EFHC1: variants seen among roughly 807,000 people sequenced by gnomAD.
The protein encoded by EFHC1 is EF-hand domain-containing protein 1.
A neutral mutation model predicts 69.9 loss-of-function variants in EFHC1; 53 were observed. The observed-to-expected ratio is 0.76, with a 90% CI of 0.61 to 0.95. The LOEUF is 0.95. Among genes scored for constraint, EFHC1 ranks in the 40% least tolerant of loss-of-function variants. The pLI is 0.00. For synonymous variants in EFHC1, 256 were observed against 278.4 expected, an observed-to-expected ratio of 0.92 and a Z score of 0.80; for missense variants, 739 against 798.7, an observed-to-expected ratio of 0.93 and a Z score of 0.90.
chr6:52,475,415 A>C (rs749776072), intron 7 of EFHC1, among the ~76,000 whole-genome samples: 12 of 152,236 alleles, frequency 7.9e-5, no homozygotes, highest in Non-Finnish European at 1.5e-4. Flanking sequence ...ACTAAATCCT[A>C]GTAGGCAATT....
In EFHC1 at chr6:52,492,882, G is replaced by A; in HGVS notation, c.*541G>A. The A allele has an allele frequency of 2.2e-6, 1 of 453,450 alleles. No individual in the cohort carries two copies. The highest frequency in any genetic ancestry group is 4.4e-6 in the Non-Finnish European group (1 of 226,592). The allele number at this position is 453,450 out of a possible 1,614,324, so 28.1% of individuals were successfully genotyped here. A position where few individuals can be genotyped will look rare whatever the true frequency, so the allele number is the denominator to read the frequency against. ...TTCTCCCACCTCAGCCTCCAAAAGT[G>A]CTGGGATTATAGGCATGAGCCACTG... is the stretch of plus-strand genomic sequence containing the variant. On this transcript the variant is annotated 3_prime_UTR_variant, in exon 11 of 11. Transcript: ENST00000371068.
intron 7 of EFHC1, among the ~76,000 whole-genome samples, chr6:52,475,370 T>A (rs530744): frequency 0.83 from 126,158 of 152,176 alleles, 52,590 homozygotes; most frequent in East Asian, 0.93. Flanking sequence ...GAGGTCAGAC[T>A]AAGACACTGG....
At chr6:52,451,120 C>T (rs1764908354) in intron 3 of EFHC1, among the ~76,000 whole-genome samples, 1 of 152,038 alleles carries the variant, frequency 6.6e-6, no homozygotes, top group African/African-American at 2.4e-5. Flanking sequence ...TTAAATGGGG[C>T]CTTTAGCCCA....
chr6:52,469,289 A>T, intron 6 of EFHC1, 44 bp from the exon 7 acceptor site: 6 of 1,612,104 alleles, frequency 3.7e-6, no homozygotes, highest in Non-Finnish European at 5.1e-6. Context: ...TAATCTTAAC[A>T]CAAGTAGTAT....
chr6:52,471,029 G>A (rs1581842035), intron 7 of EFHC1, among the ~76,000 whole-genome samples: 1 of 152,208 alleles, frequency 6.6e-6, no homozygotes, highest in Non-Finnish European at 1.5e-5. Context: ...ATGTGTGTTA[G>A]CACTTGAAGG....
At chr6:52,490,054 T>C in intron 9 of EFHC1, 86 bp from the exon 10 acceptor site, 2 of 1,259,990 alleles carry the variant, frequency 1.6e-6, no homozygotes, top group Non-Finnish European at 2.3e-6. Flanking sequence ...GCTTCCCTGA[T>C]TTCATCAAGT....
chr6:52,465,115 G>A lies in EFHC1; in HGVS notation c.1137G>A (p.Gln379=). Residue 379 remains glutamine, a splice_region_variant and synonymous_variant, in exon 6 of 11, where the codon CAG becomes CAA. Transcript: ENST00000371068. ...AGCGGGAACCACCTCCAGTAAAACA[G>A]GTAATCAGATAGTACTTCTTAGTGT... is the stretch of plus-strand genomic sequence containing the variant. ...VSKREPPPVK[Q]ELPPYNGFGL... 6.2e-7 allele frequency: 1 copy of A among 1,613,032 alleles called. No homozygotes were observed. Among genetic ancestry groups the A allele is most frequent in the East Asian group, 2.2e-5 (1 of 44,870 alleles).
chr6:52,490,388 C>T lies in EFHC1; in HGVS notation c.1851+38C>T, dbSNP rs778853232. ...TACTCTTCTGAGTTCATTGCAGAGG[C>T]TAGGCACTGATCATTCTTTTCTAAA... On this transcript the variant is annotated intron_variant, in intron 10 of 10. Transcript: ENST00000371068. 4 of 1,560,512 alleles carry T rather than the reference C, an allele frequency of 2.6e-6. No homozygotes were observed. The South Asian group carries it at 3.3e-5, about 13-fold the overall frequency.
chr6:52,492,613 T>TA lies in EFHC1; in HGVS notation c.*279dup, dbSNP rs1380185500. On this transcript the variant is annotated 3_prime_UTR_variant, in exon 11 of 11. Coordinates refer to ENST00000371068, the MANE Select transcript of EFHC1 (RefSeq NM_018100.4). ...CCCAAATATTTCCTTTCTTTCTTTTTAAAAAAATAAATTTTTTTAGAGATG... is the reference window on the plus strand; with the variant it reads ...CCCAAATATTTCCTTTCTTTCTTTTTAAAAAAAATAAATTTTTTTAGAGATG... The TA allele has an allele frequency of 1.6e-5, 9 of 553,278 alleles. No individual in the cohort carries two copies. Among genetic ancestry groups the TA allele is most frequent in the Non-Finnish European group, 3.1e-5 (9 of 293,264 alleles). The allele number at this position is 553,278 out of a possible 1,614,324, so 34.3% of individuals were successfully genotyped here. A position where few individuals can be genotyped will look rare whatever the true frequency, so the allele number is the denominator to read the frequency against.
intron 7 of EFHC1, among the ~76,000 whole-genome samples, chr6:52,470,436 A>T (rs889929378): frequency 6.6e-6 from 1 of 152,242 alleles, no homozygotes; most frequent in South Asian, 2.1e-4. Context: ...TAACTCCTTA[A>T]GGGCAGGAAT....
At chr6:52,481,174 G>C (rs1765666399) in intron 9 of EFHC1, among the ~76,000 whole-genome samples, 1 of 152,068 alleles carries the variant, frequency 6.6e-6, no homozygotes, top group Non-Finnish European at 1.5e-5. Context: ...AGCACCAATT[G>C]GACTTCAGAT....
chr6:52,462,327 C>T (rs1356751570), intron 5 of EFHC1, among the ~76,000 whole-genome samples: 1 of 151,498 alleles, frequency 6.6e-6, no homozygotes, highest in Non-Finnish European at 1.5e-5. Context: ...TAAATGCTTA[C>T]TTAAGAAAGA....
chr6:52,423,189 C>A (rs770312016), intron 1 of EFHC1, among the ~76,000 whole-genome samples: 5 of 152,114 alleles, frequency 3.3e-5, no homozygotes, highest in Non-Finnish European at 7.4e-5. Flanking sequence ...GTATCACTGT[C>A]ATTGTGACAA....
rs1554262448 is a variant in EFHC1, at chr6:52,493,365, C to CATACATATATATATATATATATATAT, written c.*1027_*1028insCATATATATATATATATATATATATA. ...ATAACTCTCTCTTTCTCTCTCTCTA[C>CATACATATATATATATATATATATAT]ATATATATATATATATATATTTTAT... On this transcript the variant is annotated 3_prime_UTR_variant, in exon 11 of 11. Transcript: ENST00000371068. The CATACATATATATATATATATATATAT allele has an allele frequency of 5.3e-5, 9 of 168,602 alleles. No homozygotes were observed. Among genetic ancestry groups the CATACATATATATATATATATATATAT allele is most frequent in the South Asian group, 3.1e-4 (5 of 15,946 alleles). 10.4% of individuals were successfully genotyped at this position (168,602 alleles called of 1,614,324 possible).
rs917532069 is a variant in EFHC1 at position 52,494,519 on chromosome 6, C to T, written c.*2178C>T. The T allele has an allele frequency of 1.8e-5, 8 of 453,468 alleles. No homozygotes were observed. The highest frequency in any genetic ancestry group is 7.1e-5 in the Admixed American group (3 of 42,538). 28.1% of individuals were successfully genotyped at this position (453,468 alleles called of 1,614,324 possible). On this transcript the variant is annotated 3_prime_UTR_variant, in exon 11 of 11. Coordinates refer to ENST00000371068, the MANE Select transcript of EFHC1 (RefSeq NM_018100.4). ...GTCTTATTTCTGTGGCTAGTAATGT[C>T]GTAATGTGGGGCCAGGTCTGAGTGA...
Position 52,424,226 on chromosome 6 carries a change from A to C in EFHC1, c.285+59A>C. The C allele has an allele frequency of 2.0e-6, 3 of 1,498,922 alleles. No individual in the cohort carries two copies. The South Asian group carries it at 3.5e-5, about 18-fold the overall frequency. 92.9% of individuals were successfully genotyped at this position (1,498,922 alleles called of 1,614,324 possible). On this transcript the variant is annotated intron_variant, in intron 2 of 10. Transcript: ENST00000371068. ...TAGGGTCTGAGAGCCAACTGCTTGC[A>C]AAAAAGTTAAAACAGTAAACCACAG...
intron 5 of EFHC1, among the ~76,000 whole-genome samples, chr6:52,463,016 G>GTTTGTTTTGT (rs369643049): frequency 1.3e-5 from 2 of 150,796 alleles, no homozygotes; most frequent in African/African-American, 4.9e-5. Flanking sequence ...TTTTGTTTTT[G>GTTTGTTTTGT]TTTGTTTTGT....
chr6:52,446,677 A>G (rs1764794301), intron 3 of EFHC1, among the ~76,000 whole-genome samples: 1 of 152,098 alleles, frequency 6.6e-6, no homozygotes, highest in Non-Finnish European at 1.5e-5. Flanking sequence ...ACAATTTGGC[A>G]TGTTTTTGCA....
intron 7 of EFHC1, among the ~76,000 whole-genome samples, chr6:52,477,533 A>G (rs1261841207): frequency 2.0e-5 from 3 of 152,212 alleles, no homozygotes; most frequent in Non-Finnish European, 4.4e-5. Context: ...TCATCTGACA[A>G]AGGGCTAATA....
Sources: allele counts gnomAD v4.1 joint callset (sites outside exome capture counted in the v4.1 genomes callset), GRCh38; gene constraint gnomAD v4.1.1; transcripts MANE v1.5; gene names NCBI Gene and HGNC (gene_info 2026-07-23, HGNC 2026-07-21).